Variants in TBC1D22A observed in about 807,000 individuals in gnomAD.
TBC1D22A encodes TBC1 domain family member 22A, also known as putative GTPase activator.
In TBC1D22A, 38 loss-of-function variants were observed where a neutral mutation model predicts 60.2. The ratio of observed to expected loss-of-function variants is 0.63; its 90% CI spans 0.49 to 0.83. The LOEUF (loss-of-function observed/expected upper bound fraction) is 0.83. Among genes scored for constraint, TBC1D22A ranks in the 40% least tolerant of loss-of-function variants. The probability of loss-of-function intolerance (pLI) is 0.00; values close to 1 mark genes in which losing one functional copy is unlikely to be tolerated. For synonymous variants in TBC1D22A, 302 were observed against 281.7 expected (o/e 1.07, Z -0.72); for missense variants, 628 against 701.0 (o/e 0.90, Z 1.18).
chr22:46,994,457 A>G (rs150542938), intron 9 of TBC1D22A, among the ~76,000 whole-genome samples: 3 of 152,334 alleles, frequency 2.0e-5, no homozygotes, highest in Non-Finnish European at 4.4e-5. Context: ...GAGCAAGTCC[A>G]GGAGAGGCAG....
chr22:47,152,339 G>T (rs899718096), intron 12 of TBC1D22A, among the ~76,000 whole-genome samples: 2 of 152,156 alleles, frequency 1.3e-5, no homozygotes. Context: ...CTCCTACGGG[G>T]TTCCCCCCCT....
chr22:47,013,895 A>T (rs2061826941), intron 10 of TBC1D22A, among the ~76,000 whole-genome samples: 1 of 152,152 alleles, frequency 6.6e-6, no homozygotes, highest in Non-Finnish European at 1.5e-5. Context: ...CTGCAGTCAG[A>T]GGTCTGTGTC....
chr22:47,002,355 G>T (rs2061433759), intron 10 of TBC1D22A, among the ~76,000 whole-genome samples: 1 of 152,250 alleles, frequency 6.6e-6, no homozygotes, highest in Admixed American at 6.5e-5. Context: ...GGCCAGAGGA[G>T]TGGGCTTCAG....
At chr22:46,951,617 C>T (rs372083597) in intron 8 of TBC1D22A, among the ~76,000 whole-genome samples, 8 of 152,160 alleles carry the variant, frequency 5.3e-5, no homozygotes, top group Admixed American at 2.6e-4. Flanking sequence ...GGTGATAATG[C>T]GTCATCAGAG....
intron 12 of TBC1D22A, among the ~76,000 whole-genome samples, chr22:47,131,179 C>T (rs2066665522): frequency 6.6e-6 from 1 of 152,194 alleles, no homozygotes; most frequent in East Asian, 1.9e-4. Context: ...CCCACCAGGC[C>T]CCACTGCCAA....
intron 8 of TBC1D22A, among the ~76,000 whole-genome samples, chr22:46,916,478 A>G (rs1184489477): frequency 6.6e-6 from 1 of 152,260 alleles, no homozygotes; most frequent in Non-Finnish European, 1.5e-5. Flanking sequence ...ATGGATGCAG[A>G]GTCTGTAAAT....
intron 8 of TBC1D22A, among the ~76,000 whole-genome samples, chr22:46,931,116 G>A (rs2071336127): frequency 6.6e-6 from 1 of 152,184 alleles, no homozygotes; most frequent in Admixed American, 6.5e-5. Flanking sequence ...GCCCGCCATG[G>A]AATTACTTGG....
At chr22:47,053,598 C>T (rs114364113) in intron 11 of TBC1D22A, among the ~76,000 whole-genome samples, 2,447 of 152,342 alleles carry the variant, frequency 0.016, 77 homozygotes, top group African/African-American at 0.056. Flanking sequence ...CCCTCAGAGA[C>T]GCCAGCGAGG....
At chr22:47,084,662 T>C (rs78826963) in intron 11 of TBC1D22A, among the ~76,000 whole-genome samples, 3,677 of 152,246 alleles carry the variant, frequency 0.024, 147 homozygotes, top group African/African-American at 0.084. Flanking sequence ...GGAGTATTGT[T>C]GGGGAAATGA....
At chr22:46,922,220 C>G (rs1434538972) in intron 8 of TBC1D22A, among the ~76,000 whole-genome samples, 3 of 152,170 alleles carry the variant, frequency 2.0e-5, no homozygotes, top group African/African-American at 7.2e-5. Context: ...TTTCTGGGCT[C>G]TCTCTTCTGT....
At chr22:46,828,538 C>T (rs943535398) in intron 4 of TBC1D22A, among the ~76,000 whole-genome samples, 3 of 152,254 alleles carry the variant, frequency 2.0e-5, no homozygotes, top group Admixed American at 1.3e-4. Flanking sequence ...GGGAGTCTCC[C>T]GTCTGGCCCA....
chr22:47,000,812 T>A (rs1467234302), intron 10 of TBC1D22A, among the ~76,000 whole-genome samples: 1 of 149,718 alleles, frequency 6.7e-6, no homozygotes, highest in Non-Finnish European at 1.5e-5. Flanking sequence ...TTTGTTTTTT[T>A]AAATTAAGCC....
chr22:47,006,793 G>A (rs1047254103), intron 10 of TBC1D22A, among the ~76,000 whole-genome samples: 1 of 152,170 alleles, frequency 6.6e-6, no homozygotes, highest in Non-Finnish European at 1.5e-5. Flanking sequence ...CTGTTCCTTT[G>A]TCTAAAACCC....
intron 8 of TBC1D22A, among the ~76,000 whole-genome samples, chr22:46,943,206 C>T (rs1030791553): frequency 3.3e-5 from 5 of 152,032 alleles, no homozygotes; most frequent in East Asian, 3.9e-4. Flanking sequence ...TGCTCTCCTC[C>T]CAGCCTCCCC....
intron 4 of TBC1D22A, among the ~76,000 whole-genome samples, chr22:46,831,465 A>G (rs2086306863): frequency 1.3e-5 from 2 of 152,172 alleles, no homozygotes; most frequent in African/African-American, 4.8e-5. Flanking sequence ...TTCCTTCTCA[A>G]GTAGGACCAC....
intron 12 of TBC1D22A, among the ~76,000 whole-genome samples, chr22:47,124,862 A>G (rs1016415327): frequency 7.9e-5 from 12 of 152,076 alleles, no homozygotes; most frequent in African/African-American, 2.4e-4. Flanking sequence ...CCGCAGGGCC[A>G]CTGGGAGGAC....
intron 4 of TBC1D22A, among the ~76,000 whole-genome samples, chr22:46,861,673 G>A (rs1441160995): frequency 6.6e-6 from 1 of 152,200 alleles, no homozygotes; most frequent in Non-Finnish European, 1.5e-5. Flanking sequence ...GGAGGAGGGC[G>A]GCTGTTGCCC....
At chr22:47,100,048 A>G (rs1319639842) in intron 11 of TBC1D22A, among the ~76,000 whole-genome samples, 1 of 152,164 alleles carries the variant, frequency 6.6e-6, no homozygotes, top group African/African-American at 2.4e-5. Flanking sequence ...CAGAGCCAAG[A>G]TTGCAGGTCA....
intron 12 of TBC1D22A, among the ~76,000 whole-genome samples, chr22:47,137,724 AGAAG>A (rs2066925840): frequency 6.6e-6 from 1 of 152,180 alleles, no homozygotes; most frequent in African/African-American, 2.4e-5. Context: ...CCACTGGGGA[AGAAG>A]GGTGGGCGCA....
Sources: allele counts gnomAD v4.1 joint callset (sites outside exome capture counted in the v4.1 genomes callset), GRCh38; gene constraint gnomAD v4.1.1; transcripts MANE v1.5; gene names NCBI Gene and HGNC (gene_info 2026-07-23, HGNC 2026-07-21).